NSUN3: variants seen among roughly 807,000 people sequenced by gnomAD.
NSUN3 encodes the protein tRNA (cytosine(34)-C(5))-methyltransferase, mitochondrial.
NSUN3 carries 24 observed loss-of-function variants against 36.8 expected under a neutral mutation model. The observed-to-expected ratio is 0.65, with a 90% CI of 0.47 to 0.92. NSUN3 has a LOEUF of 0.92. NSUN3 is among the 40% of genes least tolerant of loss of function. NSUN3 has a pLI of 0.00. For missense variants in NSUN3, 381 were observed against 392.8 expected (o/e 0.97, Z 0.25); for synonymous variants, 146 against 145.2 (o/e 1.01, Z -0.04).
At position 94,128,655 on chromosome 3, in the gene NSUN3, A is replaced by G. The variant is rs1400883241; in HGVS notation, c.*2165A>G. Reference sequence around the variant, plus strand: ...AGCAGAAATTGACAAGCGGGACCTAATTAAACTGAAGAGCTTCTGCACAGC... The same window carrying G: ...AGCAGAAATTGACAAGCGGGACCTAGTTAAACTGAAGAGCTTCTGCACAGC... On this transcript the variant is annotated 3_prime_UTR_variant, in exon 6 of 6. Transcript: ENST00000314622. 6.6e-6 allele frequency: 1 copy of G among 151,542 alleles called. No individual in the cohort carries two copies. The highest frequency in any genetic ancestry group is 2.4e-5 in the African/African-American group (1 of 41,290). 9.4% of individuals were successfully genotyped at this position (151,542 alleles called of 1,614,324 possible). A position where few individuals can be genotyped will look rare whatever the true frequency, so the allele number is the denominator to read the frequency against.
chr3:94,121,767 G>A (rs2077463140), intron 5 of NSUN3, among the ~76,000 whole-genome samples: 1 of 152,104 alleles, frequency 6.6e-6, no homozygotes, highest in African/African-American at 2.4e-5. Context: ...AGAAATCCTG[G>A]ATACCATAAA....
intron 2 of NSUN3, among the ~76,000 whole-genome samples, chr3:94,083,838 A>G (rs2077281216): frequency 6.6e-6 from 1 of 152,128 alleles, no homozygotes; most frequent in Non-Finnish European, 1.5e-5. Flanking sequence ...CAATAATGTA[A>G]TATTTCAGTG....
chr3:94,088,670 CTTTTTTTTTT>C (rs747748539), intron 3 of NSUN3, among the ~76,000 whole-genome samples: 2 of 132,458 alleles, frequency 1.5e-5, no homozygotes, highest in Non-Finnish European at 3.3e-5. Context: ...GGGACAGATC[CTTTTTTTTTT>C]TTTTTTTTTA....
chr3:94,123,132 C>A (rs923372814), intron 5 of NSUN3, among the ~76,000 whole-genome samples: 2 of 152,146 alleles, frequency 1.3e-5, no homozygotes, highest in African/African-American at 4.8e-5. Flanking sequence ...CATTTCATCT[C>A]TTTTACTTCT....
intron 3 of NSUN3, among the ~76,000 whole-genome samples, chr3:94,087,765 G>A (rs1178365954): frequency 1.3e-5 from 2 of 152,128 alleles, no homozygotes; most frequent in Non-Finnish European, 2.9e-5. Context: ...TGACTTCCTG[G>A]GTTCAAGTCA....
chr3:94,084,529 A>T (rs1009465630), intron 3 of NSUN3, 79 bp downstream of exon 3: 1 of 1,095,860 alleles, frequency 9.1e-7, no homozygotes, highest in African/African-American at 1.6e-5. Context: ...ATATATGGGG[A>T]GAAACGTAAG....
At chr3:94,083,936 T>A (rs2077281522) in intron 2 of NSUN3, among the ~76,000 whole-genome samples, 171 bp from the exon 3 acceptor site, 2 of 152,170 alleles carry the variant, frequency 1.3e-5, no homozygotes, top group Non-Finnish European at 2.9e-5. Context: ...GATTCAGTCC[T>A]GTCAGAGGCT....
At chr3:94,117,162 C>A (rs938891839) in intron 5 of NSUN3, among the ~76,000 whole-genome samples, 5 of 151,874 alleles carry the variant, frequency 3.3e-5, no homozygotes, top group African/African-American at 1.2e-4. Flanking sequence ...CCACACTCGG[C>A]TAATTTCTCA....
rs964561809 is a variant in NSUN3, at chr3:94,084,224, A to T, written c.240A>T (p.Gly80=). 19 of 1,614,032 alleles carry T rather than the reference A, an allele frequency of 1.2e-5. No individual in the cohort carries two copies. Among genetic ancestry groups the T allele is most frequent in the Non-Finnish European group, 1.4e-5 (17 of 1,180,014 alleles). The part of the protein sequence containing the change: ...HLKGYHTLSQ[G]SLPNYPKSVK... ...AGGGCTATCACACACTCTCTCAGGG[A>T]TCTTTACCCAACTATCCTAAATCAG... The change falls in exon 3 of 6, where the codon GGA becomes GGT. Residue 80 remains glycine (G), a synonymous_variant. Transcript: ENST00000314622.
intron 2 of NSUN3, among the ~76,000 whole-genome samples, chr3:94,078,049 T>G (rs1448042381): frequency 6.6e-6 from 1 of 152,218 alleles, no homozygotes; most frequent in African/African-American, 2.4e-5. Flanking sequence ...CAATTTTAGA[T>G]CTTTCCTGCT....
intron 5 of NSUN3, among the ~76,000 whole-genome samples, chr3:94,123,249 G>C (rs1259088747): frequency 6.6e-6 from 1 of 152,032 alleles, no homozygotes; most frequent in African/African-American, 2.4e-5. Context: ...TCCTTTCACT[G>C]CTCTTCTATG....
At chr3:94,084,534 C>A in intron 3 of NSUN3, 84 bp downstream of exon 3, 1 of 1,049,248 alleles carries the variant, frequency 9.5e-7, no homozygotes, top group Non-Finnish European at 1.3e-6. Context: ...TGGGGAGAAA[C>A]GTAAGACTGA....
chr3:94,096,701 T>C (rs1375918342), intron 5 of NSUN3, among the ~76,000 whole-genome samples: 2 of 152,140 alleles, frequency 1.3e-5, no homozygotes, highest in African/African-American at 2.4e-5. Context: ...GGTTTCACCA[T>C]GTTGACCAGG....
chr3:94,095,001 A>G (rs1260611567), intron 4 of NSUN3, 32 bp from the exon 5 acceptor site: 6 of 1,611,500 alleles, frequency 3.7e-6, no homozygotes, highest in African/African-American at 2.7e-5. Context: ...TTGTCAGTGC[A>G]TATTTGCATC....
At chr3:94,087,619 C>G (rs1249163136) in intron 3 of NSUN3, among the ~76,000 whole-genome samples, 1 of 152,206 alleles carries the variant, frequency 6.6e-6, no homozygotes, top group Non-Finnish European at 1.5e-5. Flanking sequence ...AGTCAACTTT[C>G]TGGCTGAAGG....
At chr3:94,087,377 G>A (rs549552463) in intron 3 of NSUN3, among the ~76,000 whole-genome samples, 1 of 152,240 alleles carries the variant, frequency 6.6e-6, no homozygotes, top group African/African-American at 2.4e-5. Context: ...AGAGGCTCAT[G>A]GCTTTGAATG....
intron 5 of NSUN3, among the ~76,000 whole-genome samples, chr3:94,104,948 T>C (rs2077382764): frequency 6.6e-6 from 1 of 152,218 alleles, no homozygotes; most frequent in South Asian, 2.1e-4. Flanking sequence ...AACAAGAGTT[T>C]AACATCTTTT....
At chr3:94,115,300 G>GT (rs1237887713) in intron 5 of NSUN3, among the ~76,000 whole-genome samples, 1 of 152,068 alleles carries the variant, frequency 6.6e-6, no homozygotes, top group Non-Finnish European at 1.5e-5. Context: ...GTCTTACTTG[G>GT]TTTTAAAAAA....
intron 3 of NSUN3, chr3:94,085,509 C>T (rs778899528): frequency 1.3e-5 from 2 of 152,362 alleles, no homozygotes; most frequent in Non-Finnish European, 2.9e-5. Flanking sequence ...GTAATCCCAG[C>T]ACTTTGGGAA....
Sources: gnomAD v4.1 joint callset for allele counts (sites outside exome capture counted in the v4.1 genomes callset) on GRCh38, gnomAD v4.1.1 for gene constraint, MANE v1.5 for transcripts, NCBI Gene and HGNC (gene_info 2026-07-23, HGNC 2026-07-21) for gene names.